Variants in GGNBP2 observed in about 807,000 individuals in gnomAD.
GGNBP2 encodes the protein gametogenetin binding protein 2.
A neutral mutation model predicts 85.9 loss-of-function variants in GGNBP2; 10 were observed. That is an observed-to-expected ratio of 0.12 (90% CI 0.07 to 0.20). The LOEUF (loss-of-function observed/expected upper bound fraction) is 0.20. Ranked by LOEUF, GGNBP2 falls within the 10% of genes least tolerant of loss-of-function variation. The pLI, the probability that GGNBP2 is intolerant of heterozygous loss-of-function variation, is 1.00. For missense variants in GGNBP2, 595 were observed against 857.8 expected (o/e 0.69, Z 3.83); for synonymous variants, 287 against 285.7 (o/e 1.00, Z -0.05).
At position 36,589,511 on chromosome 17, in the gene GGNBP2, A is replaced by G; in HGVS notation, c.*100A>G. On this transcript the variant is annotated 3_prime_UTR_variant, in exon 14 of 14. Coordinates refer to ENST00000613102, the MANE Select transcript of GGNBP2 (RefSeq NM_024835.5). ...ATTTAGTGACTTATGGCAAAATTTTATCTTAAATCAATGTGATTCTTTCTT... is the reference window on the plus strand; with the variant it reads ...ATTTAGTGACTTATGGCAAAATTTTGTCTTAAATCAATGTGATTCTTTCTT... The G allele has an allele frequency of 1.2e-6, 1 of 803,446 alleles. No homozygotes were observed. 49.8% of individuals were successfully genotyped at this position (803,446 alleles called of 1,614,324 possible).
At chr17:36,557,909 C>G (rs182355762) in intron 4 of GGNBP2, among the ~76,000 whole-genome samples, 1 of 150,198 alleles carries the variant, frequency 6.7e-6, no homozygotes, top group Non-Finnish European at 1.5e-5. Flanking sequence ...GTCTGGAGGT[C>G]GAGACCATCC....
At chr17:36,560,649 G>C (rs763891441) in intron 4 of GGNBP2, 124 bp from the exon 5 acceptor site, 6 of 583,492 alleles carry the variant, frequency 1.0e-5, no homozygotes, top group Non-Finnish European at 1.8e-5. Flanking sequence ...GATACAGTGG[G>C]GATAGAGAAA....
intron 4 of GGNBP2, among the ~76,000 whole-genome samples, chr17:36,559,480 A>G (rs2074396605): frequency 2.0e-5 from 3 of 152,122 alleles, no homozygotes; most frequent in Admixed American, 2.0e-4. Flanking sequence ...CATTTAGTGA[A>G]TATAAATAGG....
intron 2 of GGNBP2, among the ~76,000 whole-genome samples, chr17:36,548,106 G>A (rs766619526): frequency 2.0e-5 from 3 of 152,190 alleles, no homozygotes; most frequent in Non-Finnish European, 4.4e-5. Flanking sequence ...TGTCCCTAGG[G>A]TCTGTAGGTA....
intron 4 of GGNBP2, among the ~76,000 whole-genome samples, chr17:36,557,894 A>G (rs191269407): frequency 6.7e-5 from 10 of 148,426 alleles, no homozygotes; most frequent in African/African-American, 2.5e-4. Context: ...CAGGCAGATC[A>G]TGAGGTCTGG....
intron 6 of GGNBP2, chr17:36,576,911 A>G (rs1027219320): frequency 1.3e-5 from 2 of 152,076 alleles, no homozygotes; most frequent in Non-Finnish European, 2.9e-5. Context: ...TTACCCTTGG[A>G]CAGTGAATTT....
At chr17:36,576,797 A>T (rs1210621625) in intron 6 of GGNBP2, 1 of 151,628 alleles carries the variant, frequency 6.6e-6, no homozygotes, top group Non-Finnish European at 1.5e-5. Flanking sequence ...CCCAGGGAGA[A>T]GTTGGAATTA....
intron 6 of GGNBP2, among the ~76,000 whole-genome samples, chr17:36,570,055 C>T (rs2074507653): frequency 6.6e-6 from 1 of 152,146 alleles, no homozygotes; most frequent in Non-Finnish European, 1.5e-5. Context: ...AGTTAGTTGA[C>T]TTTCTGTGCC....
At chr17:36,578,534 ATG>A (rs1221070973) in intron 7 of GGNBP2, 1 of 212,950 alleles carries the variant, frequency 4.7e-6, no homozygotes, top group African/African-American at 2.3e-5. Context: ...ATTCACAATA[ATG>A]GTTTTTGCAT....
chr17:36,545,798 A>T lies in GGNBP2; in HGVS notation c.74A>T (p.Tyr25Phe). 6.4e-7 allele frequency: 1 copy of T among 1,567,638 alleles called. No individual in the cohort carries two copies. Among genetic ancestry groups the T allele is most frequent in the Non-Finnish European group, 8.6e-7 (1 of 1,156,572 alleles). ...TTCGAGAGGAGGCAGATTCCCCTCTACATAGACGACACCCTGACGGTGAGC... is the reference window on the plus strand; with the variant it reads ...TTCGAGAGGAGGCAGATTCCCCTCTTCATAGACGACACCCTGACGGTGAGC... ...FPFERRQIPL[Y>F]IDDTLTMVME... The change falls in exon 2 of 14, where the codon TAC (tyrosine) becomes TTC (phenylalanine). Residue 25 changes from tyrosine (Y) to phenylalanine (F), a missense_variant. Coordinates refer to ENST00000613102, the MANE Select transcript of GGNBP2 (RefSeq NM_024835.5).
rs1470852100 is a variant in GGNBP2, at chr17:36,560,762, T to A, written c.429-11T>A. 1.7e-5 allele frequency: 23 copies of A among 1,391,886 alleles called. No individual in the cohort carries two copies. The highest frequency in any genetic ancestry group is 2.2e-5 in the Non-Finnish European group (22 of 1,001,846). The allele number at this position is 1,391,886 out of a possible 1,614,324, so 86.2% of individuals were successfully genotyped here. A position where few individuals can be genotyped will look rare whatever the true frequency, so the allele number is the denominator to read the frequency against. ...TGAATTAAACCCTTAATATGTTTTATTTTTAATTAGGTCCAAACTAAATGA... is the reference window on the plus strand; with the variant it reads ...TGAATTAAACCCTTAATATGTTTTAATTTTAATTAGGTCCAAACTAAATGA... On this transcript the variant is annotated splice_polypyrimidine_tract_variant and intron_variant, in intron 4 of 13. Coordinates refer to ENST00000613102, the MANE Select transcript of GGNBP2 (RefSeq NM_024835.5).
In GGNBP2 at chr17:36,575,687, T is replaced by C. The variant is rs186588670; in HGVS notation, c.642-2296T>C. ...TTGAGATGGAGTTTCGCTCTTCTTA[T>C]GCAGGCTGGAGTGCAGTGGTGCGAT... On this transcript the variant is annotated intron_variant, in intron 6 of 13. Coordinates refer to ENST00000613102, the MANE Select transcript of GGNBP2 (RefSeq NM_024835.5). Among the ~76,000 whole-genome samples the C allele has an allele frequency of 4.7e-3, 649 of 139,320 alleles. 7 individuals are homozygous for C. Among genetic ancestry groups the C allele is most frequent in the African/African-American group, 0.016 (579 of 36,992 alleles). 91.4% of individuals were successfully genotyped at this position (139,320 alleles called of 152,430 possible).
chr17:36,573,921 GA>G (rs2074550966), intron 6 of GGNBP2, among the ~76,000 whole-genome samples: 1 of 152,072 alleles, frequency 6.6e-6, no homozygotes, highest in African/African-American at 2.4e-5. Context: ...GCCCAGGCTG[GA>G]GTGCAGTGGC....
At chr17:36,545,846 C>G (rs746082491) in intron 2 of GGNBP2, 29 bp downstream of exon 2, 3 of 1,481,974 alleles carry the variant, frequency 2.0e-6, no homozygotes, top group Non-Finnish European at 2.8e-6. Flanking sequence ...GCTGGGCCCG[C>G]CGCTCCCCTG....
Position 36,589,489 on chromosome 17 carries a change from T to G in GGNBP2, c.*78T>G. 1 of 1,177,452 alleles carries G rather than the reference T, an allele frequency of 8.5e-7. No individual in the cohort carries two copies. Among genetic ancestry groups the G allele is most frequent in the Non-Finnish European group, 1.2e-6 (1 of 813,688 alleles). The allele number at this position is 1,177,452 out of a possible 1,614,324, so 72.9% of individuals were successfully genotyped here. Reference sequence around the variant, plus strand: ...CTTCTCTTTCGAAAAACTCTTAATTTAGTGACTTATGGCAAAATTTTATCT... The same window carrying G: ...CTTCTCTTTCGAAAAACTCTTAATTGAGTGACTTATGGCAAAATTTTATCT... On this transcript the variant is annotated 3_prime_UTR_variant, in exon 14 of 14. Coordinates refer to ENST00000613102, the MANE Select transcript of GGNBP2 (RefSeq NM_024835.5).
intron 8 of GGNBP2, 147 bp from the exon 9 acceptor site, chr17:36,581,197 A>G: frequency 5.8e-6 from 3 of 519,392 alleles, no homozygotes; most frequent in Non-Finnish European, 1.0e-5. Context: ...AGGCAGGAGA[A>G]TGGCGTGAAC....
At chr17:36,555,565 A>G (rs2074353971) in intron 3 of GGNBP2, among the ~76,000 whole-genome samples, 3 of 152,186 alleles carry the variant, frequency 2.0e-5, no homozygotes, top group Non-Finnish European at 1.5e-5. Context: ...ACATGGCAGC[A>G]TGTGCCTGGG....
rs757323897 is a variant in GGNBP2, at chr17:36,560,864, C to T, written c.520C>T (p.Pro174Ser). ...LHSLDTHKPK[P>S]LGGCWMDVWE... The stretch of plus-strand genomic sequence containing the variant: ...CTCCTTAGATACGCACAAGCCAAAA[C>T]CTTTGGGGTAAGTAGAATTGAATAC... The change falls in exon 5 of 14, where the codon CCT (proline) becomes TCT (serine). Residue 174 changes from proline (P) to serine (S), a missense_variant. By Grantham distance (74) the Pro-to-Ser change is moderately conservative. Transcript: ENST00000613102. 6.4e-7 allele frequency: 1 copy of T among 1,558,752 alleles called. No individual in the cohort carries two copies. Among genetic ancestry groups the T allele is most frequent in the Non-Finnish European group, 8.7e-7 (1 of 1,144,510 alleles).
rs1168349021 is a variant in GGNBP2, at chr17:36,580,194, T to A, written c.1020+775T>A. On this transcript the variant is annotated intron_variant, in intron 8 of 13. Transcript: ENST00000613102. ...ATGGTATAAGGACTATTTTTCTTTC[T>A]TTCTTTTCTTTTCTTTTCTTTTTTT... Among the ~76,000 whole-genome samples the A allele has an allele frequency of 1.2e-4, 16 of 130,548 alleles. No individual in the cohort carries two copies. The Admixed American group carries it at 1.3e-3, about 10-fold the overall frequency. 85.6% of individuals were successfully genotyped at this position (130,548 alleles called of 152,430 possible).
Sources: allele counts gnomAD v4.1 joint callset (sites outside exome capture counted in the v4.1 genomes callset), GRCh38; gene constraint gnomAD v4.1.1; transcripts MANE v1.5; gene names NCBI Gene and HGNC (gene_info 2026-07-23, HGNC 2026-07-21).